PCCA: variants seen among roughly 807,000 people sequenced by gnomAD.
The protein encoded by PCCA is propionyl-CoA carboxylase subunit alpha.
A neutral mutation model predicts 101.3 loss-of-function variants in PCCA; 74 were observed. The ratio of observed to expected loss-of-function variants is 0.73; its 90% CI spans 0.61 to 0.89. PCCA has a LOEUF of 0.89. Ranked by LOEUF, PCCA falls within the 40% of genes least tolerant of loss-of-function variation. The probability of loss-of-function intolerance (pLI) is 0.00; values close to 1 mark genes in which losing one functional copy is unlikely to be tolerated. For synonymous variants in PCCA, 294 were observed against 313.6 expected (o/e 0.94, Z 0.66); for missense variants, 891 against 907.0 (o/e 0.98, Z 0.23).
chr13:100,301,990 G>A (rs1285175712), intron 13 of PCCA, among the ~76,000 whole-genome samples: 1 of 151,980 alleles, frequency 6.6e-6, no homozygotes, highest in Non-Finnish European at 1.5e-5. Context: ...TGCCCACCTT[G>A]GGTACACATT....
At chr13:100,203,397 C>T (rs2058656591) in intron 6 of PCCA, among the ~76,000 whole-genome samples, 1 of 151,510 alleles carries the variant, frequency 6.6e-6, no homozygotes, top group Non-Finnish European at 1.5e-5. Flanking sequence ...CTTATAAAAA[C>T]ATTGTATTGG....
intron 21 of PCCA, among the ~76,000 whole-genome samples, chr13:100,504,390 TGGAG>T (rs1324701613): frequency 6.6e-6 from 1 of 152,172 alleles, no homozygotes; most frequent in Admixed American, 6.5e-5. Flanking sequence ...ACACTTCCAG[TGGAG>T]AGAGTCAGCG....
chr13:100,517,644 CCCT>C (rs1344657882), intron 22 of PCCA, among the ~76,000 whole-genome samples: 1 of 152,124 alleles, frequency 6.6e-6, no homozygotes, highest in Non-Finnish European at 1.5e-5. Context: ...TCTGTCAGCT[CCCT>C]CCTAAGTTCT....
intron 14 of PCCA, 103 bp downstream of exon 14, chr13:100,303,101 C>G: frequency 1.3e-6 from 1 of 796,396 alleles, no homozygotes. Flanking sequence ...AATTGAAGGA[C>G]AAGTGAAATT....
chr13:100,147,301 C>T (rs2052700726), intron 4 of PCCA, among the ~76,000 whole-genome samples: 2 of 152,102 alleles, frequency 1.3e-5, no homozygotes, highest in African/African-American at 4.8e-5. Flanking sequence ...TCATACATTA[C>T]TTGGGTAATT....
chr13:100,461,179 A>T (rs2082138923), intron 21 of PCCA, among the ~76,000 whole-genome samples: 1 of 152,234 alleles, frequency 6.6e-6, no homozygotes, highest in South Asian at 2.1e-4. Flanking sequence ...TGGGGTTGTT[A>T]TTGCTACTAT....
At chr13:100,224,239 G>A (rs567015418) in intron 7 of PCCA, among the ~76,000 whole-genome samples, 1 of 152,238 alleles carries the variant, frequency 6.6e-6, no homozygotes, top group Admixed American at 6.5e-5. Flanking sequence ...GCGCAGTGCT[G>A]GTGGGCTGGC....
chr13:100,282,478 C>T (rs1175652176), intron 12 of PCCA, among the ~76,000 whole-genome samples: 4 of 152,316 alleles, frequency 2.6e-5, no homozygotes, highest in Non-Finnish European at 2.9e-5. Context: ...GGGCTGCGCT[C>T]GGCACTTGCG....
chr13:100,375,486 T>A (rs1047752448), intron 19 of PCCA, among the ~76,000 whole-genome samples: 2 of 152,176 alleles, frequency 1.3e-5, no homozygotes, highest in Admixed American at 6.5e-5. Context: ...CCACTATTAT[T>A]GTATGGGAGT....
intron 21 of PCCA, among the ~76,000 whole-genome samples, chr13:100,456,899 A>G (rs2081776983): frequency 1.3e-5 from 2 of 152,080 alleles, no homozygotes; most frequent in Admixed American, 1.3e-4. Context: ...GCCTCCCACA[A>G]GAAGCTGGTG....
At chr13:100,435,848 A>T (rs2079891834) in intron 20 of PCCA, among the ~76,000 whole-genome samples, 1 of 152,110 alleles carries the variant, frequency 6.6e-6, no homozygotes, top group African/African-American at 2.4e-5. Context: ...GTTTGAAACC[A>T]GTCTGGCCAA....
chr13:100,384,559 G>A (rs1273512000), intron 19 of PCCA, among the ~76,000 whole-genome samples: 3 of 152,100 alleles, frequency 2.0e-5, no homozygotes, highest in African/African-American at 7.2e-5. Flanking sequence ...AAATTATGAA[G>A]TTACTGGAAT....
At chr13:100,410,113 G>T (rs1001251014) in intron 19 of PCCA, among the ~76,000 whole-genome samples, 1 of 152,146 alleles carries the variant, frequency 6.6e-6, no homozygotes, top group African/African-American at 2.4e-5. Flanking sequence ...GGCCAAATTG[G>T]TTTGCTAATT....
chr13:100,482,214 G>A (rs1038755956), intron 21 of PCCA, among the ~76,000 whole-genome samples: 1 of 152,218 alleles, frequency 6.6e-6, no homozygotes, highest in Non-Finnish European at 1.5e-5. Flanking sequence ...GTGAGTGCAA[G>A]TGTGGTTGCA....
intron 8 of PCCA, among the ~76,000 whole-genome samples, chr13:100,248,793 C>T (rs1200957919): frequency 2.6e-5 from 4 of 152,122 alleles, no homozygotes; most frequent in African/African-American, 9.7e-5. Flanking sequence ...GTTGCCCAGG[C>T]TGGAGTGCAG....
chr13:100,382,084 G>A (rs182692094), intron 19 of PCCA, among the ~76,000 whole-genome samples: 8 of 152,354 alleles, frequency 5.3e-5, no homozygotes, highest in Non-Finnish European at 7.4e-5. Flanking sequence ...AAGGGCCAGC[G>A]TAACAACCTT....
chr13:100,105,816 TGCTAG>T (rs1264000163), intron 2 of PCCA, among the ~76,000 whole-genome samples: 2 of 115,572 alleles, frequency 1.7e-5, no homozygotes, highest in East Asian at 5.0e-4. Flanking sequence ...TACTCCAGAC[TGCTAG>T]GCTAAAGGGC....
Position 100,273,361 on chromosome 13 carries a change from T to C in PCCA, c.1065+15T>C, listed in dbSNP as rs762540382. ...CAAGACTCCAGGTAACAACAACTGT[T>C]ATTTATTCCTCTCCATGCCTCTGTA... On this transcript the variant is annotated intron_variant, in intron 12 of 23. Transcript: ENST00000376285. 5 of 1,601,408 alleles carry C rather than the reference T, an allele frequency of 3.1e-6. No homozygotes were observed. The highest frequency in any genetic ancestry group is 3.4e-6 in the Non-Finnish European group (4 of 1,168,508).
At chr13:100,151,464 G>T (rs1016054486) in intron 4 of PCCA, among the ~76,000 whole-genome samples, 8 of 152,078 alleles carry the variant, frequency 5.3e-5, no homozygotes, top group African/African-American at 1.9e-4. Context: ...GGTGGCGCAT[G>T]CCTGTAATCC....
Sources: gnomAD v4.1 joint callset for allele counts (sites outside exome capture counted in the v4.1 genomes callset) on GRCh38, gnomAD v4.1.1 for gene constraint, MANE v1.5 for transcripts, NCBI Gene and HGNC (gene_info 2026-07-23, HGNC 2026-07-21) for gene names.